KLRG1: variants seen among roughly 807,000 people sequenced by gnomAD.
The protein encoded by KLRG1 is killer cell lectin like receptor G1, also known as killer cell lectin-like receptor subfamily G member 1.
KLRG1 carries 16 observed loss-of-function variants against 21.8 expected under a neutral mutation model. The ratio of observed to expected loss-of-function variants is 0.73; its 90% CI spans 0.50 to 1.11. The LOEUF is 1.11. Among genes scored for constraint, KLRG1 ranks in the 50% most tolerant of loss-of-function variants. KLRG1 has a pLI of 0.00. For synonymous variants in KLRG1, 69 were observed against 75.9 expected (o/e 0.91, Z 0.47); for missense variants, 173 against 218.3 (o/e 0.79, Z 1.31).
the KLRG1 span, chr12:9,104,513 C>T: frequency 1.8e-6 from 2 of 1,139,832 alleles, no homozygotes; most frequent in South Asian, 1.6e-5. Context: ...GTTCCAGGCA[C>T]TGAGGACACA....
At chr12:9,140,083 A>G in the KLRG1 span, among the ~76,000 whole-genome samples, 1 of 152,076 alleles carries the variant, frequency 6.6e-6, no homozygotes, top group Non-Finnish European at 1.5e-5. Flanking sequence ...TCGTGTTGGA[A>G]TGTTTCTGGT....
the KLRG1 span, among the ~76,000 whole-genome samples, chr12:9,171,727 G>T: frequency 5.3e-5 from 8 of 152,130 alleles, no homozygotes; most frequent in South Asian, 2.1e-4. Flanking sequence ...AGACCAAGAG[G>T]AGGAAAGAAT....
the KLRG1 span, among the ~76,000 whole-genome samples, chr12:9,061,238 G>C: frequency 3.3e-5 from 5 of 152,066 alleles, no homozygotes; most frequent in Non-Finnish European, 7.4e-5. Context: ...TTTTTGAAAA[G>C]TGTTGTTGAA....
At position 9,009,865 on chromosome 12, in the gene KLRG1, T is replaced by G; in HGVS notation, c.*328T>G. On this transcript the variant is annotated 3_prime_UTR_variant, in exon 5 of 5. Coordinates refer to ENST00000356986, the MANE Select transcript of KLRG1 (RefSeq NM_005810.4). ...CCATCTCTGTCAAAAATATACCTTT[T>G]TCATATGATATTCTGAGCTAATCTG... is the stretch of plus-strand genomic sequence containing the variant. 6.8e-7 allele frequency: 1 copy of G among 1,477,518 alleles called. No individual in the cohort carries two copies. The highest frequency in any genetic ancestry group is 1.3e-5 in the South Asian group (1 of 75,928). 91.5% of individuals were successfully genotyped at this position (1,477,518 alleles called of 1,614,324 possible). A position where few individuals can be genotyped will look rare whatever the true frequency, so the allele number is the denominator to read the frequency against.
the KLRG1 span, among the ~76,000 whole-genome samples, chr12:9,082,721 T>C: frequency 6.6e-6 from 1 of 152,336 alleles, no homozygotes; most frequent in African/African-American, 2.4e-5. Context: ...TAAAGATCTA[T>C]GAAATCACTG....
the KLRG1 span, among the ~76,000 whole-genome samples, chr12:9,209,971 G>A: frequency 1.3e-5 from 2 of 152,080 alleles, no homozygotes; most frequent in Non-Finnish European, 2.9e-5. Context: ...TTCCCCTAGT[G>A]CTGAATTTTG....
chr12:9,011,820 G>T (rs1947635948), downstream of KLRG1, among the ~76,000 whole-genome samples: 1 of 152,184 alleles, frequency 6.6e-6, no homozygotes, highest in Admixed American at 6.5e-5. Context: ...TGGGGAGGAA[G>T]AGTGCTGTGA....
At chr12:9,068,475 A>G in the KLRG1 span, among the ~76,000 whole-genome samples, 1 of 152,338 alleles carries the variant, frequency 6.6e-6, no homozygotes, top group South Asian at 2.1e-4. Context: ...CTTAAATCTC[A>G]TATTGTCATA....
the KLRG1 span, chr12:9,113,332 G>A: frequency 1.4e-5 from 23 of 1,609,158 alleles, no homozygotes. Context: ...AAAGAACCAA[G>A]TATATTAAGT....
At chr12:9,088,039 A>T in the KLRG1 span, among the ~76,000 whole-genome samples, 1 of 152,160 alleles carries the variant, frequency 6.6e-6, no homozygotes, top group Non-Finnish European at 1.5e-5. Flanking sequence ...CCAAGGAAAG[A>T]CCTAGATCTA....
chr12:9,079,215 AG>A, the KLRG1 span: 1 of 1,585,546 alleles, frequency 6.3e-7, no homozygotes, highest in South Asian at 1.1e-5. Context: ...GCACACAAAA[AG>A]AAGCTCAAAA....
chr12:9,180,717 C>T, the KLRG1 span, among the ~76,000 whole-genome samples: 3 of 152,188 alleles, frequency 2.0e-5, no homozygotes, highest in African/African-American at 4.8e-5. Context: ...ACCTAGGCAT[C>T]ACCATTCAGG....
chr12:9,149,339 A>G, the KLRG1 span, among the ~76,000 whole-genome samples: 2 of 152,248 alleles, frequency 1.3e-5, no homozygotes, highest in Non-Finnish European at 2.9e-5. Context: ...TAGCTGTCCT[A>G]CAAATAAACA....
intron 1 of KLRG1, among the ~76,000 whole-genome samples, chr12:8,964,169 A>C (rs1356232902): frequency 6.6e-6 from 1 of 152,146 alleles, no homozygotes; most frequent in African/African-American, 2.4e-5. Context: ...TCTTGTGGGC[A>C]TTTAGTGCTA....
At chr12:8,958,137 C>T (rs1230272783) in intron 1 of KLRG1, among the ~76,000 whole-genome samples, 2 of 152,152 alleles carry the variant, frequency 1.3e-5, no homozygotes, top group African/African-American at 4.8e-5. Flanking sequence ...GCCTCAAGCT[C>T]TTCTCCCAAC....
chr12:9,063,227 A>G, the KLRG1 span, among the ~76,000 whole-genome samples: 2 of 152,176 alleles, frequency 1.3e-5, no homozygotes, highest in Non-Finnish European at 2.9e-5. Context: ...TATTCTTTTT[A>G]TTCTTACAGG....
At chr12:9,203,427 C>T in the KLRG1 span, among the ~76,000 whole-genome samples, 6 of 148,960 alleles carry the variant, frequency 4.0e-5, no homozygotes, top group Admixed American at 3.4e-4. Flanking sequence ...CTGCAAACTT[C>T]GCCTCCCGGG....
the KLRG1 span, among the ~76,000 whole-genome samples, chr12:9,212,596 A>G: frequency 6.6e-6 from 1 of 152,216 alleles, no homozygotes; most frequent in Admixed American, 6.5e-5. Context: ...ATGTTTTCCA[A>G]ATGAGGAAAA....
the KLRG1 span, chr12:9,154,905 G>T: frequency 1.4e-6 from 2 of 1,422,224 alleles, no homozygotes; most frequent in African/African-American, 1.4e-5. Context: ...GTAGATAAGA[G>T]AATGCACATT....
Sources: gnomAD v4.1 joint callset for allele counts (sites outside exome capture counted in the v4.1 genomes callset) on GRCh38, gnomAD v4.1.1 for gene constraint, MANE v1.5 for transcripts, NCBI Gene and HGNC (gene_info 2026-07-23, HGNC 2026-07-21) for gene names.